The following SCAPER variants were observed in gnomAD, a reference collection of about 807,000 sequenced individuals.
The protein encoded by SCAPER is S phase cyclin A-associated protein in the endoplasmic reticulum.
In SCAPER, 98 loss-of-function variants were observed where a neutral mutation model predicts 182.2. The observed-to-expected ratio is 0.54, with a 90% confidence interval of 0.46 to 0.64. SCAPER has a LOEUF of 0.64. Ranked by LOEUF, SCAPER falls within the 30% of genes least tolerant of loss-of-function variation. SCAPER has a pLI of 0.00. For missense variants in SCAPER, 1,432 were observed against 1,690.0 expected, an observed-to-expected ratio of 0.85 and a Z score of 2.68; for synonymous variants, 605 against 564.6, an observed-to-expected ratio of 1.07 and a Z score of -1.01.
At chr15:76,556,254 G>C (rs1055048555) in intron 23 of SCAPER, among the ~76,000 whole-genome samples, 4 of 152,098 alleles carry the variant, frequency 2.6e-5, no homozygotes, top group African/African-American at 7.2e-5. Context: ...CAGAATCTGT[G>C]CAACACAGTT....
chr15:76,546,460 G>C (rs899075237), intron 23 of SCAPER, among the ~76,000 whole-genome samples: 9 of 152,010 alleles, frequency 5.9e-5, no homozygotes, highest in Non-Finnish European at 1.0e-4. Flanking sequence ...AAAGTGCTGT[G>C]ATTACATGCA....
intron 5 of SCAPER, among the ~76,000 whole-genome samples, chr15:76,811,203 T>C (rs553112603): frequency 6.6e-6 from 1 of 151,564 alleles, no homozygotes; most frequent in South Asian, 2.1e-4. Flanking sequence ...TACACATTTT[T>C]CTCAAGTGCA....
At position 76,381,499 on chromosome 15, in the gene SCAPER, G is replaced by A. The variant is rs2042939474; in HGVS notation, c.3584C>T (p.Thr1195Ile). 1.2e-6 allele frequency: 2 copies of A among 1,613,648 alleles called. No individual in the cohort carries two copies. Among genetic ancestry groups the A allele is most frequent in the Non-Finnish European group, 1.7e-6 (2 of 1,179,804 alleles). The change falls in exon 28 of 32, where the codon ACC becomes ATC. Residue 1195 changes from threonine (T) to isoleucine (I), a missense_variant. Physicochemically the swap from Thr to Ile is moderately conservative, Grantham distance 89. This residue lies in a region of SCAPER where 718 missense variants were observed against 799.7 expected (regional missense o/e 0.90). Coordinates refer to ENST00000563290, the MANE Select transcript of SCAPER (RefSeq NM_020843.4). ...ACTGGCAGTGCTGGGGTCCAAGATG[G>A]TGCCATGGAAGAGGACACAGTAGAG... ...HMLYCVLFHG[T>I]ILDPSTASPK...
At chr15:76,476,970 T>TG (rs1236310675) in intron 24 of SCAPER, among the ~76,000 whole-genome samples, 5 of 152,214 alleles carry the variant, frequency 3.3e-5, no homozygotes, top group East Asian at 1.9e-4. Context: ...ATGGTGTTAA[T>TG]GGGGGGGAAG....
chr15:76,504,369 T>G (rs997108110), intron 24 of SCAPER, among the ~76,000 whole-genome samples: 2 of 152,124 alleles, frequency 1.3e-5, no homozygotes, highest in African/African-American at 4.8e-5. Flanking sequence ...AATTTACCGT[T>G]AAAGACCAAC....
At chr15:76,466,028 T>G (rs2049587956) in intron 25 of SCAPER, among the ~76,000 whole-genome samples, 1 of 152,176 alleles carries the variant, frequency 6.6e-6, no homozygotes, top group Non-Finnish European at 1.5e-5. Flanking sequence ...TTTGACAATT[T>G]TATTATAATG....
intron 6 of SCAPER, among the ~76,000 whole-genome samples, chr15:76,802,975 A>C (rs1184750021): frequency 6.6e-6 from 1 of 152,164 alleles, no homozygotes; most frequent in Non-Finnish European, 1.5e-5. Flanking sequence ...CCCTACTGTT[A>C]CTACCTTAAT....
chr15:76,372,686 A>G (rs2042265111), intron 29 of SCAPER, among the ~76,000 whole-genome samples: 1 of 152,246 alleles, frequency 6.6e-6, no homozygotes, highest in African/African-American at 2.4e-5. Context: ...ATTATCACAT[A>G]TACAAATTAC....
intron 22 of SCAPER, among the ~76,000 whole-genome samples, chr15:76,591,038 G>A (rs2049063492): frequency 6.6e-6 from 1 of 152,164 alleles, no homozygotes; most frequent in Non-Finnish European, 1.5e-5. Flanking sequence ...CATAACTGCA[G>A]GCGAGGTGGT....
intron 29 of SCAPER, among the ~76,000 whole-genome samples, chr15:76,369,940 C>A (rs1368937558): frequency 6.6e-6 from 1 of 152,202 alleles, no homozygotes; most frequent in Non-Finnish European, 1.5e-5. Flanking sequence ...AGGTACATGA[C>A]ATCTCACCTG....
chr15:76,472,691 C>G (rs147905381), intron 24 of SCAPER, among the ~76,000 whole-genome samples: 2 of 152,240 alleles, frequency 1.3e-5, no homozygotes, highest in Non-Finnish European at 2.9e-5. Context: ...ACACAGAACA[C>G]TTTACTGTTG....
intron 6 of SCAPER, 35 bp downstream of exon 6, chr15:76,804,498 G>T: frequency 7.2e-7 from 1 of 1,393,248 alleles, no homozygotes; most frequent in African/African-American, 1.4e-5. Flanking sequence ...GAAACTGCTG[G>T]ATGATAGGAA....
chr15:76,737,331 C>G (rs1422890150), intron 15 of SCAPER, among the ~76,000 whole-genome samples: 1 of 152,236 alleles, frequency 6.6e-6, no homozygotes, highest in Non-Finnish European at 1.5e-5. Flanking sequence ...TCCATCAGGG[C>G]TCTTGAGTAA....
At chr15:76,582,618 G>A (rs1435153237) in intron 22 of SCAPER, among the ~76,000 whole-genome samples, 2 of 152,078 alleles carry the variant, frequency 1.3e-5, no homozygotes, top group Non-Finnish European at 2.9e-5. Flanking sequence ...TTATATAAAA[G>A]TACAGAAGAC....
chr15:76,746,348 G>A (rs1357093037), intron 15 of SCAPER, among the ~76,000 whole-genome samples: 2 of 152,200 alleles, frequency 1.3e-5, no homozygotes, highest in African/African-American at 2.4e-5. Context: ...TAAGCTGCAG[G>A]TGGTTGAATC....
intron 20 of SCAPER, among the ~76,000 whole-genome samples, chr15:76,684,977 T>A (rs2057943768): frequency 6.7e-6 from 1 of 148,588 alleles, no homozygotes; most frequent in Admixed American, 6.6e-5. Context: ...TATCAACTCA[T>A]AAATTTATAT....
At chr15:76,395,928 G>T (rs1484020271) in intron 27 of SCAPER, among the ~76,000 whole-genome samples, 2 of 152,140 alleles carry the variant, frequency 1.3e-5, no homozygotes, top group African/African-American at 2.4e-5. Flanking sequence ...CCAGTACAAT[G>T]TCCTTAAGAG....
At chr15:76,670,341 C>T (rs1266569961) in intron 20 of SCAPER, among the ~76,000 whole-genome samples, 1 of 151,640 alleles carries the variant, frequency 6.6e-6, no homozygotes, top group Non-Finnish European at 1.5e-5. Context: ...ATATATATTC[C>T]TTCCATTAAA....
At chr15:76,726,154 TAA>T (rs60394664) in intron 17 of SCAPER, among the ~76,000 whole-genome samples, 10,486 of 130,108 alleles carry the variant, frequency 0.081, 1,236 homozygotes, top group South Asian at 0.096. Flanking sequence ...TATATATATA[TAA>T]AAAACTCTAT....
Sources: gnomAD v4.1 joint callset for allele counts (sites outside exome capture counted in the v4.1 genomes callset) on GRCh38, gnomAD v4.1.1 for gene constraint, gnomAD v4.1.1 regional missense constraint, MANE v1.5 for transcripts, NCBI Gene and HGNC (gene_info 2026-07-23, HGNC 2026-07-21) for gene names.